The following DHRS12 variants were observed in gnomAD, a reference collection of about 807,000 sequenced individuals.
The protein encoded by DHRS12 is dehydrogenase/reductase SDR family member 12.
Under a neutral mutation model 32.1 loss-of-function variants are expected in DHRS12, and 29 were observed. That is an observed-to-expected ratio of 0.90 (90% CI 0.67 to 1.23). The LOEUF (loss-of-function observed/expected upper bound fraction) is 1.23. DHRS12 is among the 50% of genes most tolerant of loss of function. The pLI is 0.00. For missense variants in DHRS12, 330 were observed against 337.2 expected (o/e 0.98, Z 0.17); for synonymous variants, 150 against 135.9 (o/e 1.10, Z -0.72).
intron 8 of DHRS12, chr13:51,768,914 C>G: frequency 7.2e-7 from 1 of 1,393,226 alleles, no homozygotes; most frequent in Non-Finnish European, 9.3e-7. Context: ...ACTGCCTCTC[C>G]CGTTCTCACA....
At chr13:51,759,802 A>C in the DHRS12 span, 1 of 1,611,022 alleles carries the variant, frequency 6.2e-7, no homozygotes, top group Non-Finnish European at 8.5e-7. Flanking sequence ...GATAGTATTT[A>C]CTAAAGAAAC....
At chr13:51,785,871 A>G (rs1025004052) in intron 4 of DHRS12, among the ~76,000 whole-genome samples, 7 of 152,326 alleles carry the variant, frequency 4.6e-5, no homozygotes, top group Non-Finnish European at 8.8e-5. Context: ...TGAGTCACAG[A>G]CTGGTTTTAG....
chr13:51,770,014 A>T (rs1029608662), intron 7 of DHRS12, among the ~76,000 whole-genome samples: 2 of 152,224 alleles, frequency 1.3e-5, no homozygotes, highest in Non-Finnish European at 2.9e-5. Flanking sequence ...TGGGAAACAA[A>T]ATAGTTCTCT....
At chr13:51,779,943 G>A (rs1295606671) in intron 4 of DHRS12, among the ~76,000 whole-genome samples, 1 of 152,042 alleles carries the variant, frequency 6.6e-6, no homozygotes, top group Non-Finnish European at 1.5e-5. Flanking sequence ...TTGGGAGGCC[G>A]AGGCGGGCGG....
chr13:51,777,024 C>T (rs1954455583), intron 5 of DHRS12, 36 bp downstream of exon 5: 1 of 1,613,714 alleles, frequency 6.2e-7, no homozygotes, highest in Non-Finnish European at 8.5e-7. Flanking sequence ...GGAGCAAAGT[C>T]CATTATCCTC....
intron 5 of DHRS12, chr13:51,776,063 A>ATGGTTCTGGAGCC (rs1954358647): frequency 4.0e-5 from 4 of 100,022 alleles, no homozygotes; most frequent in African/African-American, 1.8e-4. Flanking sequence ...CATGTATTCT[A>ATGGTTCTGGAGCC]CAGTATTCTC....
At position 51,769,305 on chromosome 13, in the gene DHRS12, A is replaced by C. The variant is rs962675943; in HGVS notation, c.560-12T>G. The stretch of plus-strand genomic sequence containing the variant: ...CGCCTGCCTCACACCTGGGAGAAGG[A>C]AGGGTCAGGCGGATTAGGACAGCAT... On this transcript the variant is annotated splice_polypyrimidine_tract_variant and intron_variant, in intron 7 of 8. Transcript: ENST00000444610. The C allele has an allele frequency of 1.3e-6, 2 of 1,551,236 alleles. No homozygotes were observed. The highest frequency in any genetic ancestry group is 2.7e-5 in the African/African-American group (2 of 73,290).
At chr13:51,793,694 T>C (rs1205119584) in intron 2 of DHRS12, among the ~76,000 whole-genome samples, 1 of 152,172 alleles carries the variant, frequency 6.6e-6, no homozygotes, top group Non-Finnish European at 1.5e-5. Flanking sequence ...TGCTGAGTCA[T>C]ATCTGAGTCA....
At chr13:51,756,940 C>T in the DHRS12 span, among the ~76,000 whole-genome samples, 2 of 152,204 alleles carry the variant, frequency 1.3e-5, no homozygotes, top group Non-Finnish European at 2.9e-5. Context: ...GTCAGACCTG[C>T]CCAGTAACCC....
chr13:51,758,552 T>TA, the DHRS12 span, among the ~76,000 whole-genome samples: 2,586 of 127,664 alleles, frequency 0.02, 67 homozygotes, highest in African/African-American at 0.062. Context: ...CCTCATCTCT[T>TA]AAAAAAAAAA....
chr13:51,799,494 C>A (rs1955655045), intron 2 of DHRS12, 40 bp downstream of exon 2: 7 of 1,609,400 alleles, frequency 4.3e-6, no homozygotes, highest in Non-Finnish European at 5.9e-6. Flanking sequence ...CGCAGTCTGG[C>A]CGTGGGGCTC....
chr13:51,755,710 A>G, the DHRS12 span, among the ~76,000 whole-genome samples: 1 of 152,226 alleles, frequency 6.6e-6, no homozygotes, highest in East Asian at 1.9e-4. Flanking sequence ...CCTCTATTGC[A>G]GTGCACCTTA....
chr13:51,789,873 A>T, intron 4 of DHRS12, 138 bp downstream of exon 4: 2 of 1,338,466 alleles, frequency 1.5e-6, no homozygotes, highest in Non-Finnish European at 1.9e-6. Context: ...AATAAGTACA[A>T]TTCAGAATAA....
Position 51,799,515 on chromosome 13 carries a change from C to A in DHRS12, c.126+19G>T. 1 of 1,612,208 alleles carries A rather than the reference C, an allele frequency of 6.2e-7. No individual in the cohort carries two copies. The highest frequency in any genetic ancestry group is 8.5e-7 in the Non-Finnish European group (1 of 1,179,536). On this transcript the variant is annotated intron_variant, in intron 2 of 8. Transcript: ENST00000444610. ...CTGGCCGTGGGGCTCAGTGGACACA[C>A]GTGTTAGCAGCTGCTTACCTCGCTT...
chr13:51,777,863 AT>A (rs1229423144), intron 4 of DHRS12, among the ~76,000 whole-genome samples: 2 of 152,204 alleles, frequency 1.3e-5, no homozygotes, highest in Non-Finnish European at 1.5e-5. Flanking sequence ...ACATGCCTGT[AT>A]TTTTTTAAAC....
intron 6 of DHRS12, chr13:51,772,814 AAAG>A: frequency 1.0e-6 from 1 of 985,464 alleles, no homozygotes; most frequent in Non-Finnish European, 1.2e-6. Context: ...GGAAAACTGT[AAAG>A]AAGTGCAGGT....
intron 5 of DHRS12, 137 bp downstream of exon 5, chr13:51,776,923 C>A: frequency 1.1e-6 from 1 of 941,152 alleles, no homozygotes; most frequent in East Asian, 2.6e-5. Flanking sequence ...TCTCGGCCCC[C>A]TGACAGAATT....
At chr13:51,786,995 A>C (rs540737920) in intron 4 of DHRS12, among the ~76,000 whole-genome samples, 46 of 152,316 alleles carry the variant, frequency 3.0e-4, no homozygotes, top group African/African-American at 1.1e-3. Flanking sequence ...GAAGAATGAC[A>C]GCACTTTAAC....
chr13:51,765,124 C>T (rs1372514686), downstream of DHRS12: 1 of 152,212 alleles, frequency 6.6e-6, no homozygotes, highest in Non-Finnish European at 1.5e-5. Context: ...GAGACCTGGC[C>T]CTGTGGAGGC....
Sources: gnomAD v4.1 joint callset for allele counts (sites outside exome capture counted in the v4.1 genomes callset) on GRCh38, gnomAD v4.1.1 for gene constraint, MANE v1.5 for transcripts, NCBI Gene and HGNC (gene_info 2026-07-23, HGNC 2026-07-21) for gene names.